Variants in PTPRG observed in about 807,000 individuals in gnomAD.
The protein encoded by PTPRG is protein tyrosine phosphatase receptor type G.
In PTPRG, 102 loss-of-function variants were observed where a neutral mutation model predicts 165.3. The ratio of observed to expected loss-of-function variants is 0.62; its 90% CI spans 0.53 to 0.73. The LOEUF (loss-of-function observed/expected upper bound fraction) is 0.73. Among genes scored for constraint, PTPRG ranks in the 30% least tolerant of loss-of-function variants. The pLI, the probability that PTPRG is intolerant of heterozygous loss-of-function variation, is 0.00. For missense variants in PTPRG, 1,866 were observed against 1,861.4 expected (o/e 1.00, Z -0.05); for synonymous variants, 675 against 669.5 (o/e 1.01, Z -0.13).
At chr3:61,908,110 CCA>C (rs1194171047) in intron 2 of PTPRG, among the ~76,000 whole-genome samples, 1 of 127,528 alleles carries the variant, frequency 7.8e-6, no homozygotes, top group Non-Finnish European at 1.6e-5. Flanking sequence ...CAGAACAAGA[CCA>C]CCTCTCTTTA....
chr3:62,115,273 C>G (rs1279192580), intron 5 of PTPRG, among the ~76,000 whole-genome samples: 1 of 152,128 alleles, frequency 6.6e-6, no homozygotes, highest in Non-Finnish European at 1.5e-5. Context: ...ATTGGTTTAT[C>G]TTCTCAACAT....
chr3:61,811,153 G>GCA (rs2035561883), intron 2 of PTPRG, among the ~76,000 whole-genome samples: 1 of 152,042 alleles, frequency 6.6e-6, no homozygotes, highest in South Asian at 2.1e-4. Context: ...CTTTGGGCTG[G>GCA]GTTTTGTGAT....
At chr3:61,902,484 C>G (rs184252682) in intron 2 of PTPRG, among the ~76,000 whole-genome samples, 41 of 152,244 alleles carry the variant, frequency 2.7e-4, no homozygotes, top group African/African-American at 9.6e-4. Context: ...GTAAGACCTG[C>G]TATCTTTTAT....
rs144042590 is a variant in PTPRG, at chr3:61,579,182, C to T, written c.85+16810C>T. On this transcript the variant is annotated intron_variant, in intron 1 of 29. Coordinates refer to ENST00000474889, the MANE Select transcript of PTPRG (RefSeq NM_002841.4). Reference sequence around the variant, plus strand: ...AGTCCTTCAGACCTTTCTGTTCACACGGAACTTTGGCCAAGTTATCTCTTG... The same window carrying T: ...AGTCCTTCAGACCTTTCTGTTCACATGGAACTTTGGCCAAGTTATCTCTTG... Among the ~76,000 whole-genome samples, 207 of 152,286 alleles carry T rather than the reference C, an allele frequency of 1.4e-3. 1 individual carries two copies. The highest frequency in any genetic ancestry group is 4.7e-3 in the African/African-American group (196 of 41,580).
At chr3:61,606,929 G>T (rs952027544) in intron 1 of PTPRG, among the ~76,000 whole-genome samples, 3 of 152,210 alleles carry the variant, frequency 2.0e-5, no homozygotes, top group Non-Finnish European at 4.4e-5. Context: ...TACTCTTAAT[G>T]ATCAAGATTT....
intron 6 of PTPRG, among the ~76,000 whole-genome samples, chr3:62,137,184 G>A (rs1166715452): frequency 1.3e-5 from 2 of 152,118 alleles, no homozygotes; most frequent in Non-Finnish European, 2.9e-5. Context: ...GAAAGACTTA[G>A]GGGAAAATTG....
intron 1 of PTPRG, among the ~76,000 whole-genome samples, chr3:61,592,791 T>C (rs1448287895): frequency 1.3e-5 from 2 of 152,118 alleles, no homozygotes; most frequent in East Asian, 3.9e-4. Flanking sequence ...ACCGGTTGAA[T>C]AGCCCTGTTA....
chr3:61,716,535 A>C (rs951353272), intron 1 of PTPRG, among the ~76,000 whole-genome samples: 7 of 151,758 alleles, frequency 4.6e-5, no homozygotes, highest in Non-Finnish European at 1.0e-4. Context: ...TACTCATCTT[A>C]TGTGTCCCCA....
chr3:61,967,383 G>A (rs920957504), intron 2 of PTPRG, among the ~76,000 whole-genome samples: 4 of 152,080 alleles, frequency 2.6e-5, no homozygotes, highest in African/African-American at 9.7e-5. Context: ...CATTTTATCA[G>A]CAAGACCTTC....
At chr3:61,875,052 T>G (rs760672140) in intron 2 of PTPRG, among the ~76,000 whole-genome samples, 1 of 152,206 alleles carries the variant, frequency 6.6e-6, no homozygotes, top group Non-Finnish European at 1.5e-5. Context: ...CTCTTCTCTT[T>G]CCTCTGCCGC....
chr3:62,245,009 A>G lies in PTPRG; in HGVS notation c.2467+1111A>G, dbSNP rs1325557729. ...CTGAATTGCCCTGTTATGTGTCTGT[A>G]TATTGCTAAGTCATTAGATATTACT... On this transcript the variant is annotated intron_variant, in intron 15 of 29. Coordinates refer to ENST00000474889, the MANE Select transcript of PTPRG (RefSeq NM_002841.4). The surrounding 1 kb of genome is among the most constrained non-coding windows in gnomAD (Gnocchi z 4.2). Among the ~76,000 whole-genome samples, 4 of 152,158 alleles carry G rather than the reference A, an allele frequency of 2.6e-5. No individual in the cohort carries two copies. Among genetic ancestry groups the G allele is most frequent in the African/African-American group, 7.2e-5 (3 of 41,434 alleles).
intron 5 of PTPRG, among the ~76,000 whole-genome samples, chr3:62,114,193 G>A (rs891415800): frequency 2.0e-5 from 3 of 152,116 alleles, no homozygotes; most frequent in African/African-American, 7.2e-5. Flanking sequence ...CAGCTACTTG[G>A]GAGGCTGAGG....
chr3:62,250,525 CTCT>C (rs1701387024), intron 15 of PTPRG, among the ~76,000 whole-genome samples: 1 of 152,068 alleles, frequency 6.6e-6, no homozygotes, highest in Non-Finnish European at 1.5e-5. Flanking sequence ...AAAGCTGTTT[CTCT>C]TTTTATTTAT....
At chr3:61,704,391 T>TG (rs1324181502) in intron 1 of PTPRG, among the ~76,000 whole-genome samples, 1 of 152,144 alleles carries the variant, frequency 6.6e-6, no homozygotes, top group Non-Finnish European at 1.5e-5. Context: ...ATTTGTAAAA[T>TG]GGGGAGCATA....
At chr3:61,843,090 C>T (rs1425367127) in intron 2 of PTPRG, among the ~76,000 whole-genome samples, 2 of 152,120 alleles carry the variant, frequency 1.3e-5, no homozygotes, top group Non-Finnish European at 2.9e-5. Context: ...AGTTTTTTAT[C>T]TCTCAGTTTC....
At chr3:61,850,141 A>G (rs1026971429) in intron 2 of PTPRG, among the ~76,000 whole-genome samples, 5 of 151,964 alleles carry the variant, frequency 3.3e-5, no homozygotes, top group African/African-American at 9.7e-5. Context: ...AATATTTAAT[A>G]TCCTGTTCTT....
In PTPRG at chr3:62,271,009, A is replaced by G. The variant is rs1043612921; in HGVS notation, c.3010-374A>G. 1.3e-5 allele frequency among the ~76,000 whole-genome samples: 2 copies of G among 152,188 alleles called. No homozygotes were observed. The highest frequency in any genetic ancestry group is 4.8e-5 in the African/African-American group (2 of 41,462). On this transcript the variant is annotated intron_variant, in intron 20 of 29. Transcript: ENST00000474889. This position sits in a 1 kb window ranked among gnomAD's most constrained non-coding sequence, Gnocchi z 4.1. ...GGACAGTGGAGAAGGAATGGGAATCACAGCCCACAGAGACATGAAAGCAAA... is the reference window on the plus strand; with the variant it reads ...GGACAGTGGAGAAGGAATGGGAATCGCAGCCCACAGAGACATGAAAGCAAA...
At chr3:62,023,781 A>G (rs912630662) in intron 4 of PTPRG, among the ~76,000 whole-genome samples, 2 of 152,158 alleles carry the variant, frequency 1.3e-5, no homozygotes, top group African/African-American at 4.8e-5. Flanking sequence ...GGTGAGCATT[A>G]AAGAAGGTAC....
chr3:61,886,711 A>T (rs1262920371), intron 2 of PTPRG, among the ~76,000 whole-genome samples: 1 of 152,120 alleles, frequency 6.6e-6, no homozygotes, highest in African/African-American at 2.4e-5. Context: ...CATGGCCCCA[A>T]ACTATTTTGA....
Sources: allele counts gnomAD v4.1 joint callset (sites outside exome capture counted in the v4.1 genomes callset), GRCh38; gene constraint gnomAD v4.1.1; non-coding constraint Gnocchi (gnomAD v3.1); transcripts MANE v1.5; gene names NCBI Gene and HGNC (gene_info 2026-07-23, HGNC 2026-07-21).